CCDC6: variants seen among roughly 807,000 people sequenced by gnomAD.
CCDC6 encodes coiled-coil domain-containing protein 6.
CCDC6 carries 20 observed loss-of-function variants against 56.6 expected under a neutral mutation model. The ratio of observed to expected loss-of-function variants is 0.35; its 90% CI spans 0.25 to 0.51. The LOEUF (loss-of-function observed/expected upper bound fraction) is 0.51. Ranked by LOEUF, CCDC6 falls within the 20% of genes least tolerant of loss-of-function variation. The pLI is 0.95. For synonymous variants in CCDC6, 241 were observed against 234.4 expected (o/e 1.03, Z -0.26); for missense variants, 367 against 601.1 (o/e 0.61, Z 4.07).
Position 59,790,900 on chromosome 10 carries a change from T to G in CCDC6, c.*2017A>C, listed in dbSNP as rs966437249. ...TCATTCCATTATGGACTTTCTTGTTTGGGTGCAAGACACTATCCACAGCAT... is the reference window on the plus strand; with the variant it reads ...TCATTCCATTATGGACTTTCTTGTTGGGGTGCAAGACACTATCCACAGCAT... On this transcript the variant is annotated 3_prime_UTR_variant, in exon 9 of 9. Coordinates refer to ENST00000263102, the MANE Select transcript of CCDC6 (RefSeq NM_005436.5). 1 of 206,766 alleles carries G rather than the reference T, an allele frequency of 4.8e-6. No individual in the cohort carries two copies. Among genetic ancestry groups the G allele is most frequent in the Admixed American group, 5.9e-5 (1 of 16,814 alleles). The allele number at this position is 206,766 out of a possible 1,614,324, so 12.8% of individuals were successfully genotyped here.
chr10:59,806,733 G>C (rs748661075), intron 6 of CCDC6, 189 bp downstream of exon 6: 13 of 451,142 alleles, frequency 2.9e-5, no homozygotes, highest in African/African-American at 9.9e-5. Flanking sequence ...TCATCTTTTT[G>C]TGTTTAAGGA....
At chr10:59,890,547 T>G (rs1380426891) in intron 1 of CCDC6, among the ~76,000 whole-genome samples, 25 of 152,140 alleles carry the variant, frequency 1.6e-4, no homozygotes. Context: ...CTGTGCTGAA[T>G]GCACCCTGAG....
intron 8 of CCDC6, 119 bp downstream of exon 8, chr10:59,794,354 A>G (rs2070494726): frequency 2.1e-6 from 2 of 965,454 alleles, no homozygotes; most frequent in Admixed American, 2.2e-5. Flanking sequence ...TTCAAGGTGA[A>G]CGGATGGAGG....
At chr10:59,851,195 C>T (rs2071036624) in intron 2 of CCDC6, among the ~76,000 whole-genome samples, 1 of 136,706 alleles carries the variant, frequency 7.3e-6, no homozygotes, top group Non-Finnish European at 1.6e-5. Context: ...CCTGATTACA[C>T]ATACACCTAG....
chr10:59,886,652 A>G (rs2071385081), intron 1 of CCDC6, among the ~76,000 whole-genome samples: 1 of 152,234 alleles, frequency 6.6e-6, no homozygotes, highest in African/African-American at 2.4e-5. Context: ...CCATAAAAAT[A>G]AAAATTTTCA....
chr10:59,879,285 G>A (rs1011181873), intron 1 of CCDC6, among the ~76,000 whole-genome samples: 3 of 152,124 alleles, frequency 2.0e-5, no homozygotes, highest in Non-Finnish European at 4.4e-5. Flanking sequence ...GTATCTTAAA[G>A]AATAAGAAGT....
chr10:59,792,048 C>T lies in CCDC6; in HGVS notation c.*869G>A, dbSNP rs936245745. On this transcript the variant is annotated 3_prime_UTR_variant, in exon 9 of 9. Transcript: ENST00000263102. ...ATTTTAAGAGAACACAAATGAAGTACGAAAGGGGGAAGCCGCATTGTTTTT... is the reference window on the plus strand; with the variant it reads ...ATTTTAAGAGAACACAAATGAAGTATGAAAGGGGGAAGCCGCATTGTTTTT... 13 of 225,758 alleles carry T rather than the reference C, an allele frequency of 5.8e-5. No individual in the cohort carries two copies. Among genetic ancestry groups the T allele is most frequent in the Non-Finnish European group, 7.9e-5 (9 of 113,330 alleles). 14.0% of individuals were successfully genotyped at this position (225,758 alleles called of 1,614,324 possible). A position where few individuals can be genotyped will look rare whatever the true frequency, so the allele number is the denominator to read the frequency against.
At chr10:59,898,427 G>A (rs2071479843) in intron 1 of CCDC6, among the ~76,000 whole-genome samples, 1 of 152,208 alleles carries the variant, frequency 6.6e-6, no homozygotes, top group African/African-American at 2.4e-5. Flanking sequence ...TACCCTTAAA[G>A]ATATTCACAG....
At chr10:59,867,213 T>G (rs189006536) in intron 1 of CCDC6, among the ~76,000 whole-genome samples, 6 of 152,122 alleles carry the variant, frequency 3.9e-5, no homozygotes, top group Non-Finnish European at 8.8e-5. Flanking sequence ...TCACATCTTG[T>G]AGACCAAAAA....
At chr10:59,880,372 C>T (rs1034905388) in intron 1 of CCDC6, among the ~76,000 whole-genome samples, 6 of 152,144 alleles carry the variant, frequency 3.9e-5, no homozygotes, top group African/African-American at 7.2e-5. Context: ...CAATCTCAGA[C>T]GGGAAGAGAC....
chr10:59,834,244 T>A (rs999215274), intron 2 of CCDC6, among the ~76,000 whole-genome samples: 1 of 151,668 alleles, frequency 6.6e-6, no homozygotes, highest in Admixed American at 6.6e-5. Flanking sequence ...AAAAAAAAAA[T>A]TGTTTTGGCT....
intron 5 of CCDC6, among the ~76,000 whole-genome samples, chr10:59,807,753 A>G (rs992645891): frequency 6.6e-6 from 1 of 152,090 alleles, no homozygotes; most frequent in African/African-American, 2.4e-5. Flanking sequence ...CTGGGAAAGG[A>G]GGGAGGCCCA....
Position 59,885,920 on chromosome 10 carries a change from CCG to C in CCDC6, c.303+20200_303+20201del, listed in dbSNP as rs386744397. 9.2e-3 allele frequency among the ~76,000 whole-genome samples: 149 copies of C among 16,240 alleles called. 7 individuals carry two copies. The East Asian group carries it at 0.17, about 18-fold the overall frequency. 10.7% of individuals were successfully genotyped at this position (16,240 alleles called of 152,430 possible). ...TGATGTCTATTTCCAACCCCGCCCC[CCG>C]CCCCCCCAACTAGAATATCAGCTGC... On this transcript the variant is annotated intron_variant, in intron 1 of 8. Transcript: ENST00000263102.
At chr10:59,898,496 T>C (rs1446277058) in intron 1 of CCDC6, among the ~76,000 whole-genome samples, 1 of 152,218 alleles carries the variant, frequency 6.6e-6, no homozygotes, top group African/African-American at 2.4e-5. Flanking sequence ...TGGGAACCCC[T>C]ACAGGAGTCG....
At position 59,899,904 on chromosome 10, in the gene CCDC6, T is replaced by C. The variant is rs145144479; in HGVS notation, c.303+6218A>G. Among the ~76,000 whole-genome samples the C allele has an allele frequency of 2.4e-3, 353 of 144,820 alleles. 1 individual carries two copies. Among genetic ancestry groups the C allele is most frequent in the Middle Eastern group, 3.5e-3 (1 of 286 alleles). ...CTGATTGCAATGGTCCCCCAAAGTA[T>C]ACAATGCATCCATTCACATATCTGG... On this transcript the variant is annotated intron_variant, in intron 1 of 8. Transcript: ENST00000263102.
At chr10:59,825,795 A>C (rs977001155) in intron 3 of CCDC6, among the ~76,000 whole-genome samples, 1 of 152,200 alleles carries the variant, frequency 6.6e-6, no homozygotes, top group Admixed American at 6.5e-5. Flanking sequence ...TTAACATCTT[A>C]AGAGCCACTA....
chr10:59,791,188 T>C lies in CCDC6; in HGVS notation c.*1729A>G, dbSNP rs559457299. On this transcript the variant is annotated 3_prime_UTR_variant, in exon 9 of 9. Transcript: ENST00000263102. ...GCATCTGAGAACTGTATTATGATTA[T>C]GTATATTACACATACATTATAAATA... 5.1e-6 allele frequency: 1 copy of C among 195,118 alleles called. No individual in the cohort carries two copies. Among genetic ancestry groups the C allele is most frequent in the Non-Finnish European group, 1.1e-5 (1 of 93,712 alleles). 12.1% of individuals were successfully genotyped at this position (195,118 alleles called of 1,614,324 possible). A position where few individuals can be genotyped will look rare whatever the true frequency, so the allele number is the denominator to read the frequency against.
chr10:59,834,562 CAAAAAAGAAAAAA>C (rs1214963485), intron 2 of CCDC6, among the ~76,000 whole-genome samples: 3 of 120,754 alleles, frequency 2.5e-5, no homozygotes, highest in Admixed American at 8.4e-5. Context: ...GACTCTGTCT[CAAAAAAGAAAAAA>C]AAAAAAGAAA....
At chr10:59,861,668 C>T (rs1001469019) in intron 1 of CCDC6, among the ~76,000 whole-genome samples, 1 of 152,106 alleles carries the variant, frequency 6.6e-6, no homozygotes, top group African/African-American at 2.4e-5. Flanking sequence ...AATTAAAAAA[C>T]TAATTAGAGA....
Sources: gnomAD v4.1 joint callset for allele counts (sites outside exome capture counted in the v4.1 genomes callset) on GRCh38, gnomAD v4.1.1 for gene constraint, MANE v1.5 for transcripts, NCBI Gene and HGNC (gene_info 2026-07-23, HGNC 2026-07-21) for gene names.